The following GRIK2 variants were observed in gnomAD, a reference collection of about 807,000 sequenced individuals.
GRIK2 encodes glutamate ionotropic receptor kainate type subunit 2.
GRIK2 carries 32 observed loss-of-function variants against 100.3 expected under a neutral mutation model. The ratio of observed to expected loss-of-function variants is 0.32; its 90% CI spans 0.24 to 0.43. The LOEUF (loss-of-function observed/expected upper bound fraction) is 0.43, where lower values mean the gene tolerates loss of function less well. Ranked by LOEUF, GRIK2 falls within the 20% of genes least tolerant of loss-of-function variation. The probability of loss-of-function intolerance (pLI) is 1.00; values close to 1 mark genes in which losing one functional copy is unlikely to be tolerated. For synonymous variants in GRIK2, 417 were observed against 389.4 expected (o/e 1.07, Z -0.83); for missense variants, 843 against 1,114.9 (o/e 0.76, Z 3.47).
chr6:101,858,080 A>T (rs1298629639), intron 10 of GRIK2, among the ~76,000 whole-genome samples: 2 of 152,176 alleles, frequency 1.3e-5, no homozygotes, highest in Admixed American at 6.5e-5. Context: ...TTCTCTGAAA[A>T]GACTTTCAGG....
At chr6:101,678,558 C>T (rs1438972762) in intron 5 of GRIK2, among the ~76,000 whole-genome samples, 2 of 152,104 alleles carry the variant, frequency 1.3e-5, no homozygotes, top group African/African-American at 4.8e-5. Context: ...AACTTTGTCT[C>T]ACATTTGAAT....
chr6:101,512,075 T>TAC (rs1491493062), intron 2 of GRIK2, among the ~76,000 whole-genome samples: 6 of 140,106 alleles, frequency 4.3e-5, no homozygotes, highest in South Asian at 2.3e-4. Context: ...TATATATATA[T>TAC]ACACACATAC....
At chr6:102,024,543 T>C (rs1769593816) in intron 14 of GRIK2, among the ~76,000 whole-genome samples, 1 of 151,212 alleles carries the variant, frequency 6.6e-6, no homozygotes, top group Non-Finnish European at 1.5e-5. Flanking sequence ...TAATATTGAA[T>C]GGTTCGAACC....
intron 9 of GRIK2, among the ~76,000 whole-genome samples, chr6:101,815,871 C>T (rs1046306561): frequency 7.9e-5 from 12 of 152,074 alleles, no homozygotes; most frequent in African/African-American, 1.4e-4. Context: ...CATAATATTA[C>T]GCTAAGAAAG....
chr6:101,466,771 T>C (rs1044785623), intron 2 of GRIK2, among the ~76,000 whole-genome samples: 1 of 152,148 alleles, frequency 6.6e-6, no homozygotes, highest in Admixed American at 6.5e-5. Flanking sequence ...TTGAAGGAGT[T>C]TGTGTGCTTT....
At chr6:101,939,184 A>G (rs1436551377) in intron 14 of GRIK2, among the ~76,000 whole-genome samples, 4 of 152,072 alleles carry the variant, frequency 2.6e-5, no homozygotes, top group South Asian at 2.1e-4. Context: ...ATAGTTTAAC[A>G]TAATTATTAA....
intron 2 of GRIK2, among the ~76,000 whole-genome samples, chr6:101,515,177 C>G (rs1483353258): frequency 6.6e-6 from 1 of 152,104 alleles, no homozygotes; most frequent in Non-Finnish European, 1.5e-5. Context: ...ACTTACATCA[C>G]TTAGAATAAT....
At chr6:101,662,213 T>C (rs1455608062) in intron 4 of GRIK2, among the ~76,000 whole-genome samples, 2 of 152,224 alleles carry the variant, frequency 1.3e-5, no homozygotes, top group African/African-American at 4.8e-5. Flanking sequence ...CTGGACTCAG[T>C]AGTTGAATGA....
chr6:101,404,886 C>T (rs1275102745), intron 2 of GRIK2, among the ~76,000 whole-genome samples: 1 of 152,126 alleles, frequency 6.6e-6, no homozygotes, highest in Non-Finnish European at 1.5e-5. Flanking sequence ...ATTGACTAGT[C>T]TAGATTAAAC....
intron 7 of GRIK2, among the ~76,000 whole-genome samples, chr6:101,726,278 T>G (rs1774858437): frequency 6.6e-6 from 1 of 152,010 alleles, no homozygotes; most frequent in African/African-American, 2.4e-5. Context: ...AATCAAGACT[T>G]GCTAGTGCAA....
intron 15 of GRIK2, among the ~76,000 whole-genome samples, chr6:102,042,866 T>C (rs547486203): frequency 9.9e-5 from 15 of 151,862 alleles, no homozygotes; most frequent in Non-Finnish European, 1.9e-4. Context: ...ACAGCAAATC[T>C]ATTTCACCAG....
chr6:101,713,528 A>T (rs146654079), intron 7 of GRIK2, among the ~76,000 whole-genome samples: 310 of 151,916 alleles, frequency 2.0e-3, no homozygotes, highest in African/African-American at 7.1e-3. Context: ...ATCTTCAAGC[A>T]TGTGGTCTAT....
At chr6:101,898,343 A>T (rs1212411559) in intron 12 of GRIK2, among the ~76,000 whole-genome samples, 1 of 151,982 alleles carries the variant, frequency 6.6e-6, no homozygotes, top group Admixed American at 6.6e-5. Flanking sequence ...TTTGCCTATC[A>T]TGTTAACTTT....
At chr6:101,729,456 A>G (rs1027059243) in intron 7 of GRIK2, among the ~76,000 whole-genome samples, 10 of 151,990 alleles carry the variant, frequency 6.6e-5, no homozygotes, top group African/African-American at 2.4e-5. Flanking sequence ...TGGAGTATGT[A>G]TAGAACGTAC....
At chr6:101,891,791 G>A (rs1433177909) in intron 12 of GRIK2, among the ~76,000 whole-genome samples, 3 of 152,114 alleles carry the variant, frequency 2.0e-5, no homozygotes, top group Non-Finnish European at 4.4e-5. Flanking sequence ...AGAATTTGAA[G>A]TATGAAGTTC....
intron 14 of GRIK2, among the ~76,000 whole-genome samples, chr6:102,033,008 C>A (rs1410029480): frequency 1.3e-5 from 2 of 151,136 alleles, no homozygotes; most frequent in East Asian, 2.0e-4. Flanking sequence ...AGGAAATCTT[C>A]CCATGTTTGA....
intron 2 of GRIK2, among the ~76,000 whole-genome samples, chr6:101,437,514 C>G (rs1769795952): frequency 6.6e-6 from 1 of 152,038 alleles, no homozygotes; most frequent in African/African-American, 2.4e-5. Flanking sequence ...AAATTTCCTT[C>G]TCTATTTCTT....
chr6:101,654,366 C>T (rs775205846), intron 4 of GRIK2, among the ~76,000 whole-genome samples: 4 of 152,070 alleles, frequency 2.6e-5, no homozygotes, highest in Non-Finnish European at 5.9e-5. Context: ...TGAATCACAA[C>T]GAATTTGACT....
intron 2 of GRIK2, among the ~76,000 whole-genome samples, chr6:101,416,071 G>T (rs1582399672): frequency 6.6e-6 from 1 of 152,078 alleles, no homozygotes; most frequent in African/African-American, 2.4e-5. Flanking sequence ...AGCTAATTTA[G>T]ATCTGATGCT....
Sources: allele counts gnomAD v4.1 joint callset (sites outside exome capture counted in the v4.1 genomes callset), GRCh38; gene constraint gnomAD v4.1.1; transcripts MANE v1.5; gene names NCBI Gene and HGNC (gene_info 2026-07-23, HGNC 2026-07-21).